Variants in TAFA5 observed in about 807,000 individuals in gnomAD.
TAFA5 encodes TAFA chemokine like family member 5.
A neutral mutation model predicts 15.3 loss-of-function variants in TAFA5; 6 were observed. The observed-to-expected ratio is 0.39, with a 90% CI of 0.21 to 0.77. The LOEUF is 0.77. Among genes scored for constraint, TAFA5 ranks in the 30% least tolerant of loss-of-function variants. The pLI is 0.41. For synonymous variants in TAFA5, 103 were observed against 80.7 expected, an observed-to-expected ratio of 1.28 and a Z score of -1.48; for missense variants, 161 against 193.1, an observed-to-expected ratio of 0.83 and a Z score of 0.98.
rs571449842 is a variant in TAFA5 at position 48,600,271 on chromosome 22, G to A, written c.113-46326G>A. Among the ~76,000 whole-genome samples, 10 of 152,314 alleles carry A rather than the reference G, an allele frequency of 6.6e-5. No homozygotes were observed. In the South Asian group the frequency reaches 2.1e-3, roughly 32 times the overall value. On this transcript the variant is annotated intron_variant, in intron 1 of 3. Coordinates refer to ENST00000402357, the MANE Select transcript of TAFA5 (RefSeq NM_001082967.3). ...GGGGGAGTGGACGAGGGGCGTCCCC[G>A]GGGAGGATGGCGCCTACCACGGGCA... is the stretch of plus-strand genomic sequence containing the variant.
At chr22:48,737,985 G>A (rs969062619) in intron 3 of TAFA5, among the ~76,000 whole-genome samples, 1 of 152,092 alleles carries the variant, frequency 6.6e-6, no homozygotes, top group Non-Finnish European at 1.5e-5. Flanking sequence ...GGGGGATGCT[G>A]TTGGGGGGGC....
chr22:48,521,276 C>T (rs1181429647), intron 1 of TAFA5, among the ~76,000 whole-genome samples: 1 of 152,064 alleles, frequency 6.6e-6, no homozygotes, highest in African/African-American at 2.4e-5. Context: ...CCCCTCTTCC[C>T]GATTTGGGTT....
At chr22:48,674,711 G>A (rs934751865) in intron 2 of TAFA5, among the ~76,000 whole-genome samples, 3 of 152,128 alleles carry the variant, frequency 2.0e-5, no homozygotes, top group Non-Finnish European at 2.9e-5. Context: ...TCAGGGAGAC[G>A]CCGTGGGGAG....
intron 1 of TAFA5, among the ~76,000 whole-genome samples, chr22:48,569,702 A>G (rs575356520): frequency 6.6e-6 from 1 of 152,290 alleles, no homozygotes; most frequent in East Asian, 1.9e-4. Flanking sequence ...TGGTCATGGA[A>G]GTGCATGCTG....
At chr22:48,632,339 A>G (rs1926261934) in intron 1 of TAFA5, among the ~76,000 whole-genome samples, 1 of 152,188 alleles carries the variant, frequency 6.6e-6, no homozygotes, top group South Asian at 2.1e-4. Flanking sequence ...AACCCAGTCC[A>G]GAGGCAGATG....
At chr22:48,682,894 C>T (rs774211965) in intron 2 of TAFA5, among the ~76,000 whole-genome samples, 13 of 152,158 alleles carry the variant, frequency 8.5e-5, no homozygotes, top group Non-Finnish European at 1.8e-4. Context: ...GGCAGGAAGG[C>T]TTGACACGCG....
At chr22:48,576,929 C>T (rs914201601) in intron 1 of TAFA5, among the ~76,000 whole-genome samples, 1 of 152,088 alleles carries the variant, frequency 6.6e-6, no homozygotes, top group Non-Finnish European at 1.5e-5. Flanking sequence ...CCGCCGGGCC[C>T]TCGGTAGATG....
chr22:48,750,145 G>A lies in TAFA5; in HGVS notation c.*298G>A. The A allele has an allele frequency of 6.1e-6, 3 of 490,572 alleles. No individual in the cohort carries two copies. Among genetic ancestry groups the A allele is most frequent in the Non-Finnish European group, 7.4e-6 (2 of 271,840 alleles). The allele number at this position is 490,572 out of a possible 1,614,324, so 30.4% of individuals were successfully genotyped here. ...CCCCGCCGACCGTGGCGTTGGCCCTGCTGTCCTCAGAGGAGGAGGAGGAGG... is the reference window on the plus strand; with the variant it reads ...CCCCGCCGACCGTGGCGTTGGCCCTACTGTCCTCAGAGGAGGAGGAGGAGG... On this transcript the variant is annotated 3_prime_UTR_variant, in exon 4 of 4. Coordinates refer to ENST00000402357, the MANE Select transcript of TAFA5 (RefSeq NM_001082967.3).
At chr22:48,625,059 G>GAGTCA (rs1925979557) in intron 1 of TAFA5, among the ~76,000 whole-genome samples, 1 of 151,884 alleles carries the variant, frequency 6.6e-6, no homozygotes. Flanking sequence ...AGGTAGTGGT[G>GAGTCA]AGTCAAGATT....
At chr22:48,737,497 G>A (rs1022353096) in intron 3 of TAFA5, among the ~76,000 whole-genome samples, 2 of 152,202 alleles carry the variant, frequency 1.3e-5, no homozygotes, top group African/African-American at 4.8e-5. Context: ...CCGAGATGCT[G>A]TGGTCGCCCC....
intron 2 of TAFA5, among the ~76,000 whole-genome samples, chr22:48,681,323 G>A (rs28556622): frequency 0.019 from 2,932 of 152,114 alleles, 101 homozygotes; most frequent in African/African-American, 0.068. Flanking sequence ...CAGTAGAGAC[G>A]CTCTCCTCAT....
chr22:48,512,074 C>T (rs916311061), intron 1 of TAFA5, among the ~76,000 whole-genome samples: 1 of 152,182 alleles, frequency 6.6e-6, no homozygotes, highest in African/African-American at 2.4e-5. Flanking sequence ...TGTCAAGGGG[C>T]CCTCGCCACC....
chr22:48,693,919 TGTGGGGTCCCCTGCTCCA>T (rs1928621128), intron 2 of TAFA5, among the ~76,000 whole-genome samples: 1 of 152,168 alleles, frequency 6.6e-6, no homozygotes, highest in African/African-American at 2.4e-5. Flanking sequence ...GTGGGGAAAC[TGTGGGGTCCCCTGCTCCA>T]GAATGCCACC....
intron 2 of TAFA5, 33 bp from the exon 3 acceptor site, chr22:48,707,684 G>A: frequency 6.2e-7 from 1 of 1,610,944 alleles, no homozygotes; most frequent in Non-Finnish European, 8.5e-7. Flanking sequence ...CATGAGAGTA[G>A]CACGCTGATT....
intron 1 of TAFA5, chr22:48,545,027 G>A: frequency 2.6e-6 from 1 of 383,748 alleles, no homozygotes; most frequent in South Asian, 1.9e-5. Context: ...AGCCCCCAGT[G>A]GCTCAGTCAA....
In TAFA5 at chr22:48,707,802, C is replaced by G; in HGVS notation, c.348C>G (p.Gly116=). ...GCGACTTGTTAATCAACCGGTCAGG[C>G]TGGACGTGCACGCAGCCCGGCGGGA... ...EGCDLLINRS[G]WTCTQPGGRI... The change falls in exon 3 of 4, where the codon GGC becomes GGG. Residue 116 remains glycine, a synonymous_variant. Transcript: ENST00000402357. 1.9e-6 allele frequency: 3 copies of G among 1,613,866 alleles called. No individual in the cohort carries two copies. Among genetic ancestry groups the G allele is most frequent in the Non-Finnish European group, 2.5e-6 (3 of 1,179,880 alleles).
intron 2 of TAFA5, among the ~76,000 whole-genome samples, chr22:48,702,928 T>C (rs1284185479): frequency 6.6e-6 from 1 of 152,228 alleles, no homozygotes; most frequent in Non-Finnish European, 1.5e-5. Context: ...GCCGGCCCGC[T>C]GGTGCCCTCG....
intron 2 of TAFA5, among the ~76,000 whole-genome samples, chr22:48,653,176 G>A (rs533866468): frequency 4.6e-4 from 70 of 152,320 alleles, no homozygotes; most frequent in Middle Eastern, 3.4e-3. Context: ...GCGGAGAGGC[G>A]CCTGGGGGCT....
intron 1 of TAFA5, among the ~76,000 whole-genome samples, chr22:48,564,084 G>A (rs1230813198): frequency 1.3e-5 from 2 of 152,266 alleles, no homozygotes; most frequent in African/African-American, 2.4e-5. Flanking sequence ...AAGTGAGGAC[G>A]TGGAGCGGGC....
Sources: allele counts gnomAD v4.1 joint callset (sites outside exome capture counted in the v4.1 genomes callset), GRCh38; gene constraint gnomAD v4.1.1; transcripts MANE v1.5; gene names NCBI Gene and HGNC (gene_info 2026-07-23, HGNC 2026-07-21).